The following APCDD1 variants were observed in gnomAD, a reference collection of about 807,000 sequenced individuals.
APCDD1 encodes protein APCDD1.
Under a neutral mutation model 38.1 loss-of-function variants are expected in APCDD1, and 15 were observed. The ratio of observed to expected loss-of-function variants is 0.39; its 90% CI spans 0.26 to 0.61. The LOEUF (loss-of-function observed/expected upper bound fraction) is 0.61, where lower values mean the gene tolerates loss of function less well. Ranked by LOEUF, APCDD1 falls within the 20% of genes least tolerant of loss-of-function variation. The probability of loss-of-function intolerance (pLI) is 0.49; values close to 1 mark genes in which losing one functional copy is unlikely to be tolerated. For synonymous variants in APCDD1, 261 were observed against 279.7 expected, an observed-to-expected ratio of 0.93 and a Z score of 0.67; for missense variants, 647 against 696.2, an observed-to-expected ratio of 0.93 and a Z score of 0.79.
At position 10,475,919 on chromosome 18, in the gene APCDD1, C is replaced by A. The variant is rs967936323; in HGVS notation, c.774+3858C>A. 6.6e-6 allele frequency: 1 copy of A among 152,272 alleles called. No individual in the cohort carries two copies. Among genetic ancestry groups the A allele is most frequent in the Non-Finnish European group, 1.5e-5 (1 of 68,132 alleles). 9.4% of individuals were successfully genotyped at this position (152,272 alleles called of 1,614,324 possible). On this transcript the variant is annotated intron_variant, in intron 3 of 4. Transcript: ENST00000355285. This position sits in a 1 kb window ranked among gnomAD's most constrained non-coding sequence, Gnocchi z 4.0. The stretch of plus-strand genomic sequence containing the variant: ...CGGAGTCTTCAGGAAGTTTTCAGAT[C>A]CTTCCCCAGGACAGCTCTGAGAAGG...
chr18:10,479,438 A>G (rs525355), intron 3 of APCDD1, among the ~76,000 whole-genome samples: 73,406 of 152,140 alleles, frequency 0.48, 18,523 homozygotes, highest in African/African-American at 0.63. Flanking sequence ...GAAAACAAAC[A>G]GATACTGTCA....
intron 1 of APCDD1, 26 bp downstream of exon 1, chr18:10,455,065 G>C (rs2030338409): frequency 6.4e-7 from 1 of 1,553,750 alleles, no homozygotes; most frequent in Non-Finnish European, 8.7e-7. Context: ...CCACTCGAGC[G>C]CTCCCAGCCG....
intron 3 of APCDD1, among the ~76,000 whole-genome samples, chr18:10,481,363 G>C (rs994405198): frequency 6.6e-6 from 1 of 152,184 alleles, no homozygotes. Flanking sequence ...GCCTTAAAAG[G>C]ATGGAAATTC....
chr18:10,479,716 G>A (rs867344434), intron 3 of APCDD1, among the ~76,000 whole-genome samples: 6 of 152,146 alleles, frequency 3.9e-5, no homozygotes, highest in Non-Finnish European at 7.4e-5. Context: ...TGCCTCGTCT[G>A]TAAAATGTAC....
chr18:10,488,145 G>A lies in APCDD1; in HGVS notation c.*107G>A. The A allele has an allele frequency of 7.3e-7, 1 of 1,369,866 alleles. No individual in the cohort carries two copies. The highest frequency in any genetic ancestry group is 1.0e-6 in the Non-Finnish European group (1 of 996,382). The allele number at this position is 1,369,866 out of a possible 1,614,324, so 84.9% of individuals were successfully genotyped here. On this transcript the variant is annotated 3_prime_UTR_variant, in exon 5 of 5. Transcript: ENST00000355285. The stretch of plus-strand genomic sequence containing the variant: ...TCTTTTGATGCACTTGAATGCCAGA[G>A]AACTGTCCTTCTTTTTCTCCTCTCC...
rs1327374965 is a variant in APCDD1 at position 10,487,892 on chromosome 18, G to A, written c.1399G>A (p.Ala467Thr). Residue 467 changes from alanine (A) to threonine (T), a missense_variant, in exon 5 of 5, where the codon GCC becomes ACC. Ala to Thr is a moderately conservative substitution (Grantham distance 58). Transcript: ENST00000355285. ...TSYQMPLVQC[A>T]SSSPRAEDLA... is the part of the protein sequence containing the mutation. ...CTACCAGATGCCCTTGGTCCAGTGT[G>A]CCTCCTCTTCGCCGAGGGCAGAGGA... is the stretch of plus-strand genomic sequence containing the variant. The A allele has an allele frequency of 1.9e-6, 3 of 1,613,406 alleles. No homozygotes were observed. The highest frequency in any genetic ancestry group is 1.1e-5 in the South Asian group (1 of 91,072).
At position 10,475,025 on chromosome 18, in the gene APCDD1, C is replaced by T. The variant is rs909789854; in HGVS notation, c.774+2964C>T. On this transcript the variant is annotated intron_variant, in intron 3 of 4. Coordinates refer to ENST00000355285, the MANE Select transcript of APCDD1 (RefSeq NM_153000.5). The surrounding 1 kb of genome is among the most constrained non-coding windows in gnomAD (Gnocchi z 4.0). Reference sequence around the variant, plus strand: ...TAGTTATCTGACCTACTGGAGACTTCATTTTCCTTTTCTGTAAAATGGCAA... The same window carrying T: ...TAGTTATCTGACCTACTGGAGACTTTATTTTCCTTTTCTGTAAAATGGCAA... 2.6e-5 allele frequency among the ~76,000 whole-genome samples: 4 copies of T among 152,198 alleles called. No homozygotes were observed. Among genetic ancestry groups the T allele is most frequent in the African/African-American group, 9.6e-5 (4 of 41,460 alleles).
chr18:10,462,643 C>CTCCCTCCT (rs2075961508), intron 1 of APCDD1, among the ~76,000 whole-genome samples: 6 of 15,804 alleles, frequency 3.8e-4, no homozygotes, highest in Non-Finnish European at 2.1e-4. Flanking sequence ...CCTTCCCTCC[C>CTCCCTCCT]TCCTTCCTTC....
At position 10,488,323 on chromosome 18, in the gene APCDD1, G is replaced by T. The variant is rs568975850; in HGVS notation, c.*285G>T. 2 of 381,044 alleles carry T rather than the reference G, an allele frequency of 5.2e-6. No individual in the cohort carries two copies. The highest frequency in any genetic ancestry group is 4.7e-6 in the Non-Finnish European group (1 of 214,928). 23.6% of individuals were successfully genotyped at this position (381,044 alleles called of 1,614,324 possible). A position where few individuals can be genotyped will look rare whatever the true frequency, so the allele number is the denominator to read the frequency against. On this transcript the variant is annotated 3_prime_UTR_variant, in exon 5 of 5. Transcript: ENST00000355285. ...TCTGGACGAGCGTGTTTGGTAGCAG[G>T]GATGAAAGCTAGGGCCTCTTATTTT... is the stretch of plus-strand genomic sequence containing the variant.
chr18:10,485,000 G>GT (rs1305299521), intron 3 of APCDD1, among the ~76,000 whole-genome samples: 1 of 151,654 alleles, frequency 6.6e-6, no homozygotes, highest in Non-Finnish European at 1.5e-5. Context: ...GTTTTGTTTT[G>GT]TTTTTTGAGG....
In APCDD1 at chr18:10,475,314, G is replaced by A. The variant is rs1451649921; in HGVS notation, c.774+3253G>A. 6.6e-6 allele frequency among the ~76,000 whole-genome samples: 1 copy of A among 152,162 alleles called. No homozygotes were observed. Among genetic ancestry groups the A allele is most frequent in the Non-Finnish European group, 1.5e-5 (1 of 68,026 alleles). ...CATTTACCCAGATTCTTAAGAAATA[G>A]ACTCTTTAAATCCCAGGCCTGATTC... On this transcript the variant is annotated intron_variant, in intron 3 of 4. Transcript: ENST00000355285. The surrounding 1 kb of genome is among the most constrained non-coding windows in gnomAD (Gnocchi z 4.0).
chr18:10,480,245 C>T (rs76569983), intron 3 of APCDD1, among the ~76,000 whole-genome samples: 1,670 of 152,266 alleles, frequency 0.011, 13 homozygotes, highest in Non-Finnish European at 0.017. Context: ...AAATGATACT[C>T]CACAGTACCA....
At chr18:10,459,944 A>G (rs2030488190) in intron 1 of APCDD1, among the ~76,000 whole-genome samples, 1 of 152,246 alleles carries the variant, frequency 6.6e-6, no homozygotes, top group Non-Finnish European at 1.5e-5. Context: ...ACAGAAAAGA[A>G]TCATTTTAAG....
In APCDD1 at chr18:10,471,899, T is replaced by TGCCATGCATGAACTTC; in HGVS notation, c.613_628dup (p.Gln210ArgfsTer4). ...GTGAGTGCACCAAGGCCGTGAACTT[T>TGCCATGCATGAACTTC]GCCATGCATGAACTTCAGCTCATCC... On this transcript the variant is annotated frameshift_variant, in exon 3 of 5. Coordinates refer to ENST00000355285, the MANE Select transcript of APCDD1 (RefSeq NM_153000.5). LOFTEE classifies it high-confidence loss of function. The surrounding 1 kb of genome is among the most constrained non-coding windows in gnomAD (Gnocchi z 5.5). The TGCCATGCATGAACTTC allele has an allele frequency of 1.2e-6, 2 of 1,614,170 alleles. No homozygotes were observed. Among genetic ancestry groups the TGCCATGCATGAACTTC allele is most frequent in the Non-Finnish European group, 1.7e-6 (2 of 1,180,048 alleles).
intron 1 of APCDD1, among the ~76,000 whole-genome samples, chr18:10,463,889 T>C (rs1022596662): frequency 6.6e-6 from 1 of 152,158 alleles, no homozygotes; most frequent in Non-Finnish European, 1.5e-5. Flanking sequence ...GAAATCACTG[T>C]GTTCTTGGGG....
At chr18:10,455,180 G>T (rs2030344932) in intron 1 of APCDD1, 141 bp downstream of exon 1, 4 of 1,374,814 alleles carry the variant, frequency 2.9e-6, no homozygotes, top group African/African-American at 1.5e-5. Flanking sequence ...GGAGCCCCGC[G>T]CCTGCCGTCT....
rs2030813381 is a variant in APCDD1, at chr18:10,470,021, C to T, written c.242+1369C>T. Among the ~76,000 whole-genome samples the T allele has an allele frequency of 6.6e-6, 1 of 152,158 alleles. No individual in the cohort carries two copies. Among genetic ancestry groups the T allele is most frequent in the Admixed American group, 6.5e-5 (1 of 15,284 alleles). ...GGGCCATGCTTAAAATATGATTCAG[C>T]TTTTTGAAAGAGCATTCTGGCTGCT... On this transcript the variant is annotated intron_variant, in intron 2 of 4. Coordinates refer to ENST00000355285, the MANE Select transcript of APCDD1 (RefSeq NM_153000.5). This position sits in a 1 kb window ranked among gnomAD's most constrained non-coding sequence, Gnocchi z 4.1.
chr18:10,462,187 A>G (rs545763692), intron 1 of APCDD1, among the ~76,000 whole-genome samples: 8 of 152,336 alleles, frequency 5.3e-5, no homozygotes, highest in African/African-American at 9.6e-5. Flanking sequence ...TTAGCATTAT[A>G]TATAATAAGC....
intron 1 of APCDD1, among the ~76,000 whole-genome samples, chr18:10,460,813 A>G (rs146810789): frequency 2.6e-5 from 4 of 152,236 alleles, no homozygotes; most frequent in African/African-American, 4.8e-5. Context: ...TTAGCACACC[A>G]TGGGTTTAGG....
Sources: gnomAD v4.1 joint callset for allele counts (sites outside exome capture counted in the v4.1 genomes callset) on GRCh38, gnomAD v4.1.1 for gene constraint, Gnocchi (gnomAD v3.1) non-coding constraint, MANE v1.5 for transcripts, NCBI Gene and HGNC (gene_info 2026-07-23, HGNC 2026-07-21) for gene names.